CDH11: variants seen among roughly 807,000 people sequenced by gnomAD.
CDH11 encodes the protein cadherin 11.
In CDH11, 11 loss-of-function variants were observed where a neutral mutation model predicts 67.8. The observed-to-expected ratio is 0.16, with a 90% confidence interval of 0.10 to 0.27. The LOEUF (loss-of-function observed/expected upper bound fraction) is 0.27, where lower values mean the gene tolerates loss of function less well. CDH11 is among the 10% of genes least tolerant of loss of function. The pLI is 1.00. For synonymous variants in CDH11, 419 were observed against 400.0 expected (o/e 1.05, Z -0.57); for missense variants, 847 against 1,031.2 (o/e 0.82, Z 2.45).
chr16:65,097,292 G>C (rs532655004), intron 1 of CDH11, among the ~76,000 whole-genome samples: 73 of 152,318 alleles, frequency 4.8e-4, no homozygotes, highest in African/African-American at 1.5e-3. Context: ...GGACAAATTA[G>C]CTTCTGTTAG....
chr16:65,110,154 A>C (rs551847657), intron 1 of CDH11, among the ~76,000 whole-genome samples: 1 of 152,278 alleles, frequency 6.6e-6, no homozygotes, highest in African/African-American at 2.4e-5. Flanking sequence ...TATAGGCATG[A>C]GTCATTGCAC....
chr16:65,092,398 A>G (rs2074806957), intron 1 of CDH11, among the ~76,000 whole-genome samples: 1 of 152,188 alleles, frequency 6.6e-6, no homozygotes, highest in Non-Finnish European at 1.5e-5. Flanking sequence ...CAGAAGACAG[A>G]AAGATGACCT....
intron 2 of CDH11, among the ~76,000 whole-genome samples, chr16:65,011,007 A>G (rs573519416): frequency 1.4e-5 from 2 of 148,146 alleles, no homozygotes; most frequent in African/African-American, 4.9e-5. Flanking sequence ...ATGTATATGT[A>G]TATATATGTG....
chr16:65,101,882 G>A (rs1165782971), intron 1 of CDH11, among the ~76,000 whole-genome samples: 1 of 152,082 alleles, frequency 6.6e-6, no homozygotes, highest in East Asian at 1.9e-4. Flanking sequence ...AATGACTTTC[G>A]CTAAATGAAT....
chr16:65,106,069 A>T (rs2075061308), intron 1 of CDH11, among the ~76,000 whole-genome samples: 1 of 152,184 alleles, frequency 6.6e-6, no homozygotes, highest in African/African-American at 2.4e-5. Flanking sequence ...CCCAAATAAA[A>T]TTTTGAACCC....
chr16:64,992,814 C>CT, intron 5 of CDH11, 101 bp downstream of exon 5: 1 of 1,192,700 alleles, frequency 8.4e-7, no homozygotes, highest in South Asian at 1.5e-5. Flanking sequence ...CTCTGTATTC[C>CT]TTTTTCATAT....
intron 11 of CDH11, among the ~76,000 whole-genome samples, chr16:64,964,082 T>C (rs2071746263): frequency 6.6e-6 from 1 of 152,220 alleles, no homozygotes; most frequent in Non-Finnish European, 1.5e-5. Context: ...TTAATTGACC[T>C]AACACAATAA....
At chr16:65,060,352 TATAG>T (rs1567554797) in intron 1 of CDH11, among the ~76,000 whole-genome samples, 1 of 137,310 alleles carries the variant, frequency 7.3e-6, no homozygotes, top group African/African-American at 2.8e-5. Flanking sequence ...TATATATATA[TATAG>T]AGAGAGAGAG....
In CDH11 at chr16:65,121,419, AC is replaced by A. The variant is rs913314345; in HGVS notation, c.-298+460del. Among the ~76,000 whole-genome samples the A allele has an allele frequency of 8.6e-5, 13 of 151,900 alleles. No homozygotes were observed. Among genetic ancestry groups the A allele is most frequent in the African/African-American group, 3.1e-4 (13 of 41,448 alleles). ...AGGGATCCGGGAGGATGGAGTAAGA[AC>A]CCCGCAGAGCGCGGTCATGTCGCCG... On this transcript the variant is annotated intron_variant, in intron 1 of 12. Coordinates refer to ENST00000268603, the MANE Select transcript of CDH11 (RefSeq NM_001797.4). This position sits in a 1 kb window ranked among gnomAD's most constrained non-coding sequence, Gnocchi z 4.1.
intron 2 of CDH11, among the ~76,000 whole-genome samples, chr16:65,020,906 G>C (rs754685459): frequency 1.3e-5 from 2 of 151,998 alleles, no homozygotes; most frequent in Non-Finnish European, 2.9e-5. Flanking sequence ...AACATGGACA[G>C]GAAAGCATGC....
intron 11 of CDH11, among the ~76,000 whole-genome samples, chr16:64,962,886 C>T (rs1475625911): frequency 1.3e-5 from 2 of 152,136 alleles, no homozygotes; most frequent in South Asian, 2.1e-4. Flanking sequence ...CTAAGGAGCA[C>T]TTGTGAAGTT....
At chr16:64,952,216 T>C (rs2071381557) in intron 11 of CDH11, among the ~76,000 whole-genome samples, 1 of 152,206 alleles carries the variant, frequency 6.6e-6, no homozygotes, top group Non-Finnish European at 1.5e-5. Context: ...AGGGAGACCA[T>C]CCAAGACCTC....
intron 1 of CDH11, among the ~76,000 whole-genome samples, chr16:65,082,120 T>C (rs1756817014): frequency 6.6e-6 from 1 of 152,204 alleles, no homozygotes; most frequent in Non-Finnish European, 1.5e-5. Context: ...ACAAAACTGC[T>C]TGCCCACCTA....
chr16:65,118,011 C>A (rs2075271295), intron 1 of CDH11, among the ~76,000 whole-genome samples: 1 of 152,166 alleles, frequency 6.6e-6, no homozygotes, highest in African/African-American at 2.4e-5. Context: ...CTAATCCTGA[C>A]CAACTGCTCG....
intron 1 of CDH11, among the ~76,000 whole-genome samples, chr16:65,113,836 C>G (rs1167077962): frequency 6.6e-6 from 1 of 152,146 alleles, no homozygotes; most frequent in Admixed American, 6.5e-5. Flanking sequence ...TGCCCACCCC[C>G]CATAAGATGC....
chr16:65,119,438 T>G (rs2075290256), intron 1 of CDH11, among the ~76,000 whole-genome samples: 1 of 152,250 alleles, frequency 6.6e-6, no homozygotes, highest in Non-Finnish European at 1.5e-5. Context: ...AATTTAGGTT[T>G]CTAGTAATTT....
chr16:65,081,923 G>T, intron 1 of CDH11, among the ~76,000 whole-genome samples: 1 of 61,338 alleles, frequency 1.6e-5, no homozygotes, highest in East Asian at 6.5e-4. Context: ...CATGTCCTTG[G>T]GGGAAGGGAA....
chr16:65,019,791 G>T (rs1451218763), intron 2 of CDH11, among the ~76,000 whole-genome samples: 3 of 151,734 alleles, frequency 2.0e-5, no homozygotes, highest in Non-Finnish European at 4.4e-5. Flanking sequence ...CTCACACACA[G>T]AATTATTTAC....
chr16:65,073,645 G>T (rs2074458355), intron 1 of CDH11, among the ~76,000 whole-genome samples: 1 of 151,854 alleles, frequency 6.6e-6, no homozygotes, highest in African/African-American at 2.4e-5. Flanking sequence ...TTAAATTTTG[G>T]ACCCTGGGCC....
Sources: gnomAD v4.1 joint callset for allele counts (sites outside exome capture counted in the v4.1 genomes callset) on GRCh38, gnomAD v4.1.1 for gene constraint, Gnocchi (gnomAD v3.1) non-coding constraint, MANE v1.5 for transcripts, NCBI Gene and HGNC (gene_info 2026-07-23, HGNC 2026-07-21) for gene names.